The following FSTL4 variants were observed in gnomAD, a reference collection of about 807,000 sequenced individuals.
FSTL4 encodes the protein follistatin like 4, also known as follistatin-related protein 4.
Under a neutral mutation model 78.2 loss-of-function variants are expected in FSTL4, and 28 were observed. The ratio of observed to expected loss-of-function variants is 0.36; its 90% confidence interval spans 0.27 to 0.49. FSTL4 has a LOEUF of 0.49. FSTL4 is among the 20% of genes least tolerant of loss of function. The pLI is 0.98. For missense variants in FSTL4, 922 were observed against 1,084.9 expected (o/e 0.85, Z 2.11); for synonymous variants, 422 against 440.5 (o/e 0.96, Z 0.53).
chr5:133,312,822 G>T, intron 5 of FSTL4, 45 bp from the exon 6 acceptor site: 1 of 1,607,490 alleles, frequency 6.2e-7, no homozygotes. Context: ...GATGAGTTTA[G>T]AGTCATAGGC....
chr5:133,553,057 G>A (rs1759719956), intron 3 of FSTL4, among the ~76,000 whole-genome samples: 1 of 152,172 alleles, frequency 6.6e-6, no homozygotes, highest in African/African-American at 2.4e-5. Flanking sequence ...CGGCTACTTA[G>A]TCTCTTGCCA....
chr5:133,314,969 C>T (rs1753869390), intron 5 of FSTL4, among the ~76,000 whole-genome samples: 1 of 152,096 alleles, frequency 6.6e-6, no homozygotes, highest in Non-Finnish European at 1.5e-5. Flanking sequence ...TTGAGACCAG[C>T]CTGGCAAAAT....
Position 133,261,811 on chromosome 5 carries a change from C to T in FSTL4, c.728-12235G>A, listed in dbSNP as rs192471967. Among the ~76,000 whole-genome samples, 151 of 152,018 alleles carry T rather than the reference C, an allele frequency of 9.9e-4. 1 individual carries two copies. Among genetic ancestry groups the T allele is most frequent in the African/African-American group, 3.3e-3 (136 of 41,422 alleles). Reference sequence around the variant, plus strand: ...TTCAAGGCCTGCCTGGACAACATGGCGAAACTCCATCTCTACAAAAAATAC... The same window carrying T: ...TTCAAGGCCTGCCTGGACAACATGGTGAAACTCCATCTCTACAAAAAATAC... On this transcript the variant is annotated intron_variant, in intron 6 of 15. Coordinates refer to ENST00000265342, the MANE Select transcript of FSTL4 (RefSeq NM_015082.2).
intron 3 of FSTL4, among the ~76,000 whole-genome samples, chr5:133,465,055 ACT>A (rs1323735539): frequency 1.3e-5 from 2 of 150,454 alleles, no homozygotes; most frequent in African/African-American, 4.9e-5. Context: ...CTTTGTATTT[ACT>A]CTCTCTCTCT....
At chr5:133,594,434 C>G (rs555477666) in intron 2 of FSTL4, among the ~76,000 whole-genome samples, 28 of 152,350 alleles carry the variant, frequency 1.8e-4, no homozygotes, top group African/African-American at 6.7e-4. Context: ...CTCAGGTGAT[C>G]TGACCGCCTT....
the FSTL4 span, among the ~76,000 whole-genome samples, chr5:133,709,595 A>G: frequency 6.6e-6 from 1 of 152,264 alleles, no homozygotes; most frequent in Non-Finnish European, 1.5e-5. Context: ...AGAGCAGGCT[A>G]CAACTCCTAA....
the FSTL4 span, among the ~76,000 whole-genome samples, chr5:133,715,727 T>G: frequency 1.3e-5 from 2 of 152,140 alleles, no homozygotes; most frequent in African/African-American, 4.8e-5. Flanking sequence ...GGGAGCTGTG[T>G]AATAGGTAAG....
chr5:133,288,021 C>T (rs1753176838), intron 6 of FSTL4, among the ~76,000 whole-genome samples: 1 of 152,220 alleles, frequency 6.6e-6, no homozygotes, highest in South Asian at 2.1e-4. Context: ...TATTGCCCAA[C>T]CTCAGTCATC....
At chr5:133,662,666 A>T in the FSTL4 span, among the ~76,000 whole-genome samples, 1 of 152,180 alleles carries the variant, frequency 6.6e-6, no homozygotes, top group Non-Finnish European at 1.5e-5. Flanking sequence ...TTAGAAGAGG[A>T]CGGCAGAGAG....
chr5:133,514,874 A>G lies in FSTL4; in HGVS notation c.160+52312T>C, dbSNP rs150241755. On this transcript the variant is annotated intron_variant, in intron 3 of 15. Transcript: ENST00000265342. Reference sequence around the variant, plus strand: ...TGTCTACATAGTTGTAAGGGAAAGTACTTTTATTTAGGAAGTATAATAAGG... The same window carrying G: ...TGTCTACATAGTTGTAAGGGAAAGTGCTTTTATTTAGGAAGTATAATAAGG... Among the ~76,000 whole-genome samples, 28 of 152,352 alleles carry G rather than the reference A, an allele frequency of 1.8e-4. No homozygotes were observed. In the East Asian group the frequency reaches 5.4e-3, roughly 29 times the overall value.
At chr5:133,425,557 G>T (rs1310492621) in intron 3 of FSTL4, among the ~76,000 whole-genome samples, 3 of 152,224 alleles carry the variant, frequency 2.0e-5, no homozygotes, top group Non-Finnish European at 4.4e-5. Context: ...TGTGAGGAAA[G>T]AATTAATGCC....
the FSTL4 span, among the ~76,000 whole-genome samples, chr5:133,785,900 G>T: frequency 6.6e-6 from 1 of 152,200 alleles, no homozygotes; most frequent in Non-Finnish European, 1.5e-5. Context: ...GGTGAAGCTG[G>T]CAGATGCCAG....
intron 2 of FSTL4, among the ~76,000 whole-genome samples, chr5:133,600,171 G>A (rs971718988): frequency 1.3e-5 from 2 of 152,048 alleles, no homozygotes; most frequent in Non-Finnish European, 2.9e-5. Context: ...GTCACTTTCA[G>A]TACAGTATTC....
chr5:133,589,210 G>A lies in FSTL4; in HGVS notation c.126+14648C>T, dbSNP rs572259528. On this transcript the variant is annotated intron_variant, in intron 2 of 15. Transcript: ENST00000265342. The stretch of plus-strand genomic sequence containing the variant: ...TAGATGACACGTTAGTGGGTGCAGC[G>A]CACCAGCATGGCACATGTATACATA... 4.6e-5 allele frequency among the ~76,000 whole-genome samples: 3 copies of A among 65,036 alleles called. No individual in the cohort carries two copies. The South Asian group carries it at 1.9e-3, about 42-fold the overall frequency. The allele number at this position is 65,036 out of a possible 152,430, so 42.7% of individuals were successfully genotyped here.
At chr5:133,788,913 T>C in the FSTL4 span, among the ~76,000 whole-genome samples, 25 of 152,234 alleles carry the variant, frequency 1.6e-4, no homozygotes, top group South Asian at 1.5e-3. Flanking sequence ...GAAGGTGTTC[T>C]CAGGAAGGAG....
chr5:133,550,730 T>C (rs777790511), intron 3 of FSTL4, among the ~76,000 whole-genome samples: 9 of 152,200 alleles, frequency 5.9e-5, no homozygotes, highest in Non-Finnish European at 1.0e-4. Flanking sequence ...GGCTGTATAA[T>C]TTTGAAAAAC....
the FSTL4 span, among the ~76,000 whole-genome samples, chr5:133,716,934 T>A: frequency 6.6e-6 from 1 of 152,222 alleles, no homozygotes; most frequent in Non-Finnish European, 1.5e-5. Context: ...AGTCCAAGTA[T>A]TTGTCCCTTG....
chr5:133,604,083 G>A, intron 1 of FSTL4, 90 bp from the exon 2 acceptor site: 1 of 935,508 alleles, frequency 1.1e-6, no homozygotes. Flanking sequence ...CCCAGAATCA[G>A]ATAAGCCTGG....
the FSTL4 span, among the ~76,000 whole-genome samples, chr5:133,664,063 G>A: frequency 0.14 from 21,955 of 152,098 alleles, 2,080 homozygotes; most frequent in African/African-American, 0.26. Flanking sequence ...TTATCTGCAG[G>A]CCGCAGCTAC....
Sources: allele counts gnomAD v4.1 joint callset (sites outside exome capture counted in the v4.1 genomes callset), GRCh38; gene constraint gnomAD v4.1.1; transcripts MANE v1.5; gene names NCBI Gene and HGNC (gene_info 2026-07-23, HGNC 2026-07-21).